RUVBL1: variants seen among roughly 807,000 people sequenced by gnomAD.
RUVBL1 encodes the protein ruvB-like 1.
RUVBL1 carries 4 observed loss-of-function variants against 52.4 expected under a neutral mutation model. That is an observed-to-expected ratio of 0.08 (90% confidence interval 0.04 to 0.17). RUVBL1 has a LOEUF of 0.17. Ranked by LOEUF, RUVBL1 falls within the 10% of genes least tolerant of loss-of-function variation. The pLI, the probability that RUVBL1 is intolerant of heterozygous loss-of-function variation, is 1.00. For synonymous variants in RUVBL1, 217 were observed against 214.4 expected (o/e 1.01, Z -0.10); for missense variants, 298 against 572.8 (o/e 0.52, Z 4.90).
At chr3:128,097,261 A>G in intron 8 of RUVBL1, 39 bp downstream of exon 8, 3 of 1,577,332 alleles carry the variant, frequency 1.9e-6, no homozygotes, top group Non-Finnish European at 2.6e-6. Context: ...CCCAGATGGA[A>G]GTTAAAAAAG....
chr3:128,110,954 C>A (rs1376444218), intron 3 of RUVBL1, among the ~76,000 whole-genome samples: 1 of 151,868 alleles, frequency 6.6e-6, no homozygotes, highest in Admixed American at 6.6e-5. Flanking sequence ...GAGCCAGGCA[C>A]GGTGGCTCAT....
chr3:128,085,287 A>G (rs1942611168), intron 9 of RUVBL1, among the ~76,000 whole-genome samples: 1 of 151,986 alleles, frequency 6.6e-6, no homozygotes. Context: ...GCTCGGTGAG[A>G]TGCACCAAAT....
intron 6 of RUVBL1, 59 bp from the exon 7 acceptor site, chr3:128,099,004 T>A: frequency 7.3e-7 from 1 of 1,362,066 alleles, no homozygotes. Context: ...AGAAGCCTCA[T>A]CCCCCTGCAT....
chr3:128,132,707 G>A (rs775761531), intron 1 of RUVBL1, among the ~76,000 whole-genome samples: 9 of 152,310 alleles, frequency 5.9e-5, no homozygotes, highest in South Asian at 2.1e-4. Flanking sequence ...CATCTGCTGA[G>A]TAGAGTGCAT....
At chr3:128,151,072 A>C (rs1227333464) in intron 1 of RUVBL1, among the ~76,000 whole-genome samples, 1 of 110,266 alleles carries the variant, frequency 9.1e-6, no homozygotes, top group Non-Finnish European at 1.7e-5. Context: ...TATGTTCTCT[A>C]TATATTCTCT....
chr3:128,106,192 T>C (rs561559456), intron 3 of RUVBL1, among the ~76,000 whole-genome samples: 4 of 152,320 alleles, frequency 2.6e-5, no homozygotes, highest in South Asian at 4.1e-4. Context: ...TCTACAGTTT[T>C]TCTAAGGCCA....
At chr3:128,111,533 T>C (rs956787103) in intron 3 of RUVBL1, among the ~76,000 whole-genome samples, 1 of 151,982 alleles carries the variant, frequency 6.6e-6, no homozygotes, top group East Asian at 1.9e-4. Context: ...TCCAACCACT[T>C]TGCACTTCCA....
intron 6 of RUVBL1, 122 bp downstream of exon 6, chr3:128,100,473 T>C: frequency 4.2e-6 from 5 of 1,185,482 alleles, no homozygotes; most frequent in Non-Finnish European, 5.8e-6. Context: ...TGCTGAACAT[T>C]ACAGATAGAA....
At chr3:128,148,168 G>A (rs1944131874) in intron 1 of RUVBL1, among the ~76,000 whole-genome samples, 1 of 151,762 alleles carries the variant, frequency 6.6e-6, no homozygotes, top group South Asian at 2.1e-4. Context: ...TGATTGTGAT[G>A]GTGATTACCT....
chr3:128,132,992 G>A (rs1943902314), intron 1 of RUVBL1, among the ~76,000 whole-genome samples: 1 of 152,160 alleles, frequency 6.6e-6, no homozygotes, highest in Non-Finnish European at 1.5e-5. Context: ...GACTTGCCTT[G>A]GGCCAGAGGG....
chr3:128,099,321 C>A (rs1341958975), intron 6 of RUVBL1, among the ~76,000 whole-genome samples: 1 of 152,158 alleles, frequency 6.6e-6, no homozygotes, highest in Non-Finnish European at 1.5e-5. Context: ...ATTCTCCTTC[C>A]TAGAAGTTCC....
At position 128,123,786 on chromosome 3, in the gene RUVBL1, C is replaced by G; in HGVS notation, c.-62G>C. 2 of 1,513,366 alleles carry G rather than the reference C, an allele frequency of 1.3e-6. No individual in the cohort carries two copies. The highest frequency in any genetic ancestry group is 8.9e-7 in the Non-Finnish European group (1 of 1,122,242). The allele number at this position is 1,513,366 out of a possible 1,614,324, so 93.7% of individuals were successfully genotyped here. A position where few individuals can be genotyped will look rare whatever the true frequency, so the allele number is the denominator to read the frequency against. ...CCAGCAGCTAGGACAGTGCGCCCGG[C>G]GCCTGAGTTACCATGCGGCCGTTAC... On this transcript the variant is annotated 5_prime_UTR_variant, in exon 1 of 11. Transcript: ENST00000322623.
At chr3:128,131,697 A>G (rs948698585) in intron 1 of RUVBL1, among the ~76,000 whole-genome samples, 2 of 152,188 alleles carry the variant, frequency 1.3e-5, no homozygotes, top group Non-Finnish European at 2.9e-5. Context: ...AGTGTAATAT[A>G]CCATATTAAT....
Position 128,112,950 on chromosome 3 carries a change from T to C in RUVBL1, c.299A>G (p.Glu100Gly). 1 of 1,614,154 alleles carries C rather than the reference T, an allele frequency of 6.2e-7. No individual in the cohort carries two copies. Among genetic ancestry groups the C allele is most frequent in the South Asian group, 1.1e-5 (1 of 91,084 alleles). ...KVPFCPMVGS[E>G]VYSTEIKKTE... ...CTTCTTGATCTCAGTTGAGTAAACTTCACTCCCCACCATTGGGCAGAAGGG... is the reference window on the plus strand; with the variant it reads ...CTTCTTGATCTCAGTTGAGTAAACTCCACTCCCCACCATTGGGCAGAAGGG... The change falls in exon 3 of 11, where the codon GAA becomes GGA. Residue 100 changes from glutamate to glycine, a missense_variant. Physicochemically the swap from Glu to Gly is moderately conservative, Grantham distance 98 (BLOSUM62 -2). Coordinates refer to ENST00000322623, the MANE Select transcript of RUVBL1 (RefSeq NM_003707.3).
intron 9 of RUVBL1, chr3:128,070,622 G>A (rs899283676): frequency 3.3e-5 from 5 of 152,294 alleles, no homozygotes; most frequent in African/African-American, 1.2e-4. Flanking sequence ...CTGTGCTTAG[G>A]ACTGCACGCA....
downstream of RUVBL1, among the ~76,000 whole-genome samples, chr3:128,079,996 G>A (rs960988701): frequency 8.5e-5 from 13 of 152,176 alleles, no homozygotes; most frequent in Non-Finnish European, 8.8e-5. Context: ...CAGGCACCAC[G>A]GAGCCAGCAG....
intron 1 of RUVBL1, among the ~76,000 whole-genome samples, chr3:128,144,067 T>C (rs759930964): frequency 3.3e-5 from 5 of 152,164 alleles, no homozygotes; most frequent in Admixed American, 1.3e-4. Context: ...CGTGGCTAAA[T>C]GTGGCATTGG....
At chr3:128,077,162 C>G (rs2010972), downstream of RUVBL1, among the ~76,000 whole-genome samples, 134,330 of 151,974 alleles carry the variant, frequency 0.88, 59,557 homozygotes, top group African/African-American at 0.93. Flanking sequence ...CCGCCCAGCC[C>G]GCACGGCCTG....
At chr3:128,077,825 T>C (rs769298047), downstream of RUVBL1, among the ~76,000 whole-genome samples, 52 of 152,228 alleles carry the variant, frequency 3.4e-4, no homozygotes, top group African/African-American at 5.3e-4. Flanking sequence ...TTCCTCCAGT[T>C]TGACAAACTG....
Sources: allele counts gnomAD v4.1 joint callset (sites outside exome capture counted in the v4.1 genomes callset), GRCh38; gene constraint gnomAD v4.1.1; transcripts MANE v1.5; gene names NCBI Gene and HGNC (gene_info 2026-07-23, HGNC 2026-07-21).